The following OR2L13 variants were observed in gnomAD, a reference collection of about 807,000 sequenced individuals.
The protein encoded by OR2L13 is olfactory receptor 2L13.
OR2L13 carries 14 observed loss-of-function variants against 15.3 expected under a neutral mutation model. The observed-to-expected ratio is 0.91, with a 90% CI of 0.60 to 1.43. The LOEUF is 1.43. Ranked by LOEUF, OR2L13 falls within the 40% of genes most tolerant of loss-of-function variation. OR2L13 has a pLI of 0.00. For missense variants in OR2L13, 367 were observed against 387.9 expected (o/e 0.95, Z 0.45); for synonymous variants, 152 against 142.9 (o/e 1.06, Z -0.45).
the OR2L13 span, among the ~76,000 whole-genome samples, chr1:247,980,282 A>G: frequency 6.6e-6 from 1 of 152,162 alleles, no homozygotes; most frequent in African/African-American, 2.4e-5. Flanking sequence ...AAGAAACAAT[A>G]TAAACATATA....
chr1:248,018,926 C>G, the OR2L13 span, among the ~76,000 whole-genome samples: 2 of 152,184 alleles, frequency 1.3e-5, no homozygotes, highest in African/African-American at 4.8e-5. Context: ...GCTTATTTCA[C>G]TTTGCATAAT....
the OR2L13 span, among the ~76,000 whole-genome samples, chr1:248,047,218 T>C: frequency 1.3e-5 from 2 of 152,168 alleles, no homozygotes; most frequent in East Asian, 3.8e-4. Context: ...GGGCAGCATT[T>C]CCTCATTCCT....
At chr1:248,090,747 A>C (rs562986585), upstream of OR2L13, among the ~76,000 whole-genome samples, 12 of 152,320 alleles carry the variant, frequency 7.9e-5, no homozygotes, top group South Asian at 2.1e-3. Context: ...TGATGAACAT[A>C]CATGTGCAGG....
the OR2L13 span, chr1:248,046,992 C>A: frequency 2.0e-5 from 3 of 152,256 alleles, no homozygotes; most frequent in African/African-American, 7.2e-5. Context: ...AATTTCAGCA[C>A]TAATAACTGT....
At chr1:248,018,204 T>G in the OR2L13 span, among the ~76,000 whole-genome samples, 4,595 of 151,736 alleles carry the variant, frequency 0.03, 220 homozygotes, top group African/African-American at 0.11. Flanking sequence ...AATGAGGTAC[T>G]CAGTTGCAAC....
At chr1:247,980,051 T>C in the OR2L13 span, among the ~76,000 whole-genome samples, 1 of 152,094 alleles carries the variant, frequency 6.6e-6, no homozygotes, top group African/African-American at 2.4e-5. Context: ...ATTCCAAATA[T>C]ATAAAATGGA....
chr1:247,941,805 T>C, the OR2L13 span, among the ~76,000 whole-genome samples: 5 of 152,272 alleles, frequency 3.3e-5, no homozygotes, highest in South Asian at 6.2e-4. Flanking sequence ...ATACAATGTG[T>C]GGCAGGGATA....
chr1:248,033,323 T>A, the OR2L13 span, among the ~76,000 whole-genome samples: 1 of 152,232 alleles, frequency 6.6e-6, no homozygotes, highest in East Asian at 1.9e-4. Context: ...AAACACCGTT[T>A]GTTGAAAAGA....
At chr1:248,040,224 A>T in the OR2L13 span, 1 of 152,250 alleles carries the variant, frequency 6.6e-6, no homozygotes, top group African/African-American at 2.4e-5. Context: ...AAAAGGATCA[A>T]CATTATTTCA....
the OR2L13 span, among the ~76,000 whole-genome samples, chr1:248,017,264 A>T: frequency 6.6e-6 from 1 of 152,168 alleles, no homozygotes; most frequent in East Asian, 1.9e-4. Flanking sequence ...ACCTGTTTGG[A>T]TTTATTTTTA....
the OR2L13 span, chr1:248,003,491 C>T: frequency 1.4e-5 from 23 of 1,610,578 alleles, no homozygotes; most frequent in Admixed American, 6.7e-5. Flanking sequence ...GGCCTATGTT[C>T]GTTGCATTGC....
At chr1:247,986,906 C>A in the OR2L13 span, among the ~76,000 whole-genome samples, 1 of 152,152 alleles carries the variant, frequency 6.6e-6, no homozygotes, top group Non-Finnish European at 1.5e-5. Flanking sequence ...GACATCTTAA[C>A]AGTGTTAAGC....
At chr1:248,067,698 C>T in the OR2L13 span, among the ~76,000 whole-genome samples, 1 of 152,328 alleles carries the variant, frequency 6.6e-6, no homozygotes, top group East Asian at 1.9e-4. Context: ...AAGGCATTGC[C>T]TCACTCAGGA....
chr1:248,023,050 A>T, the OR2L13 span: 1 of 620,208 alleles, frequency 1.6e-6, no homozygotes, highest in Non-Finnish European at 2.6e-6. Flanking sequence ...ATTCTAAGAC[A>T]TCTATTTTGT....
At chr1:247,965,793 G>T in the OR2L13 span, 1 of 1,604,306 alleles carries the variant, frequency 6.2e-7, no homozygotes, top group Non-Finnish European at 8.5e-7. Flanking sequence ...TGAGCAAGAA[G>T]ATCTGCTGCC....
chr1:248,039,107 C>T, the OR2L13 span: 1 of 1,614,116 alleles, frequency 6.2e-7, no homozygotes, highest in Non-Finnish European at 8.5e-7. Context: ...ACACCATCCT[C>T]ACCCCAATGC....
At chr1:248,034,480 T>C in the OR2L13 span, among the ~76,000 whole-genome samples, 130 of 152,296 alleles carry the variant, frequency 8.5e-4, no homozygotes, top group African/African-American at 2.9e-3. Flanking sequence ...TCCATAGAAA[T>C]TTTAGCATGG....
the OR2L13 span, chr1:247,949,295 G>T: frequency 1.2e-6 from 2 of 1,613,858 alleles, no homozygotes; most frequent in Non-Finnish European, 1.7e-6. Context: ...TGATAACAGG[G>T]TCTTGGATCA....
chr1:247,965,933 C>T, the OR2L13 span: 1 of 1,610,684 alleles, frequency 6.2e-7, no homozygotes, highest in South Asian at 1.1e-5. Context: ...GCTCTACTAT[C>T]ATTGGTGTGT....
Sources: allele counts gnomAD v4.1 joint callset (sites outside exome capture counted in the v4.1 genomes callset), GRCh38; gene constraint gnomAD v4.1.1; transcripts MANE v1.5; gene names NCBI Gene and HGNC (gene_info 2026-07-23, HGNC 2026-07-21).